PHF24: variants seen among roughly 807,000 people sequenced by gnomAD.
The protein encoded by PHF24 is PHD finger protein 24.
In PHF24, 25 loss-of-function variants were observed where a neutral mutation model predicts 42.6. The ratio of observed to expected loss-of-function variants is 0.59; its 90% confidence interval spans 0.43 to 0.82. The LOEUF is 0.82. PHF24 is among the 40% of genes least tolerant of loss of function. The pLI is 0.00. For missense variants in PHF24, 470 were observed against 538.1 expected (o/e 0.87, Z 1.25); for synonymous variants, 185 against 204.8 (o/e 0.90, Z 0.83).
At chr9:34,769,325 T>C in the PHF24 span, among the ~76,000 whole-genome samples, 3 of 152,202 alleles carry the variant, frequency 2.0e-5, no homozygotes, top group African/African-American at 7.2e-5. Flanking sequence ...TTCACCATGT[T>C]GGCCAGGCTG....
At chr9:34,745,432 G>T in the PHF24 span, among the ~76,000 whole-genome samples, 2 of 152,108 alleles carry the variant, frequency 1.3e-5, no homozygotes, top group East Asian at 1.9e-4. Flanking sequence ...TGAAAAAAGC[G>T]GTGGGGAAAG....
At chr9:34,764,464 T>G in the PHF24 span, among the ~76,000 whole-genome samples, 4 of 152,286 alleles carry the variant, frequency 2.6e-5, no homozygotes, top group Non-Finnish European at 5.9e-5. Context: ...CATTTCTTCT[T>G]GATTTTCTAG....
the PHF24 span, among the ~76,000 whole-genome samples, chr9:34,940,588 C>T: frequency 1.5e-4 from 23 of 152,026 alleles, 1 homozygote; most frequent in South Asian, 4.0e-3. Flanking sequence ...CCCATCTCTC[C>T]GAAAAAATAA....
chr9:34,681,504 T>G, the PHF24 span, among the ~76,000 whole-genome samples: 1 of 152,312 alleles, frequency 6.6e-6, no homozygotes, highest in Non-Finnish European at 1.5e-5. Flanking sequence ...GATGGGGTCT[T>G]TAGGAGGTAA....
the PHF24 span, chr9:34,833,638 C>G: frequency 6.5e-7 from 1 of 1,534,050 alleles, no homozygotes; most frequent in Non-Finnish European, 8.8e-7. Flanking sequence ...TTAGTTTGGT[C>G]AAGATATGTG....
At chr9:34,767,656 C>T in the PHF24 span, among the ~76,000 whole-genome samples, 13 of 152,220 alleles carry the variant, frequency 8.5e-5, no homozygotes, top group Non-Finnish European at 1.5e-4. Flanking sequence ...CTTGCGCTTC[C>T]GGAGTGAGGC....
the PHF24 span, among the ~76,000 whole-genome samples, chr9:34,808,672 C>T: frequency 2.0e-5 from 3 of 152,010 alleles, no homozygotes; most frequent in Admixed American, 2.0e-4. Flanking sequence ...ACTGCATCTT[C>T]CAGAGTTGGG....
the PHF24 span, among the ~76,000 whole-genome samples, chr9:34,770,981 C>G: frequency 6.6e-6 from 1 of 151,984 alleles, no homozygotes; most frequent in African/African-American, 2.4e-5. Flanking sequence ...AGCATTGTGG[C>G]GCATGACTGT....
chr9:34,812,662 AT>A, the PHF24 span, among the ~76,000 whole-genome samples: 1 of 152,188 alleles, frequency 6.6e-6, no homozygotes, highest in South Asian at 2.1e-4. Context: ...AGTTCTGAAG[AT>A]TTGGTCTCCT....
chr9:34,689,960 G>A, the PHF24 span: 1 of 1,614,158 alleles, frequency 6.2e-7, no homozygotes. This position sits in a 1 kb window ranked among gnomAD's most constrained non-coding sequence, Gnocchi z 4.1. Context: ...GTCTCTGGAT[G>A]ATGCGTTCTA....
the PHF24 span, chr9:34,729,406 G>A: frequency 2.0e-5 from 31 of 1,550,394 alleles, no homozygotes; most frequent in African/African-American, 4.1e-4. Context: ...ACTTCCCACA[G>A]AACAAAAGTA....
At chr9:34,741,881 A>T in the PHF24 span, among the ~76,000 whole-genome samples, 2 of 151,870 alleles carry the variant, frequency 1.3e-5, no homozygotes, top group African/African-American at 4.8e-5. Context: ...TAAGTATTTC[A>T]TCATACTAGT....
At chr9:34,688,203 G>A in the PHF24 span, among the ~76,000 whole-genome samples, 11 of 152,062 alleles carry the variant, frequency 7.2e-5, no homozygotes, top group East Asian at 1.9e-4. Context: ...GCTGGCTGAC[G>A]TATACCCGAT....
chr9:34,680,369 T>G, the PHF24 span, among the ~76,000 whole-genome samples: 1 of 134,634 alleles, frequency 7.4e-6, no homozygotes, highest in African/African-American at 2.8e-5. Context: ...AGGGAGACCC[T>G]GTCTCAAAAA....
the PHF24 span, chr9:34,832,318 G>T: frequency 4.7e-6 from 3 of 632,802 alleles, no homozygotes; most frequent in Admixed American, 2.7e-5. Context: ...CCTGGTTGGG[G>T]GGCACAAGCC....
At chr9:34,801,127 A>G in the PHF24 span, among the ~76,000 whole-genome samples, 1 of 152,232 alleles carries the variant, frequency 6.6e-6, no homozygotes, top group Non-Finnish European at 1.5e-5. Context: ...ATCTCACACC[A>G]GTTAGAACGC....
At chr9:34,840,549 C>T in the PHF24 span, among the ~76,000 whole-genome samples, 546 of 145,708 alleles carry the variant, frequency 3.7e-3, 3 homozygotes, top group African/African-American at 0.013. Context: ...CCTTCTTCTT[C>T]TTCTTCTTCT....
chr9:34,791,970 G>A, the PHF24 span, among the ~76,000 whole-genome samples: 3 of 152,140 alleles, frequency 2.0e-5, no homozygotes, highest in Non-Finnish European at 4.4e-5. Flanking sequence ...CACACTAAGA[G>A]GGACTGTAGA....
chr9:34,843,393 A>T, the PHF24 span, among the ~76,000 whole-genome samples: 1 of 152,208 alleles, frequency 6.6e-6, no homozygotes, highest in African/African-American at 2.4e-5. Flanking sequence ...TTAAAAAAAT[A>T]TCAAGTGACC....
Sources: gnomAD v4.1 joint callset for allele counts (sites outside exome capture counted in the v4.1 genomes callset) on GRCh38, gnomAD v4.1.1 for gene constraint, Gnocchi (gnomAD v3.1) non-coding constraint, MANE v1.5 for transcripts, NCBI Gene and HGNC (gene_info 2026-07-23, HGNC 2026-07-21) for gene names.